TBATA: variants seen among roughly 807,000 people sequenced by gnomAD.
TBATA encodes the protein protein TBATA.
TBATA carries 47 observed loss-of-function variants against 38.7 expected under a neutral mutation model. The observed-to-expected ratio is 1.21, with a 90% CI of 0.96 to 1.55. The LOEUF is 1.55. TBATA is among the 40% of genes most tolerant of loss of function. The pLI is 0.00. For missense variants in TBATA, 436 were observed against 435.6 expected, an observed-to-expected ratio of 1.00 and a Z score of -0.01; for synonymous variants, 183 against 170.5, an observed-to-expected ratio of 1.07 and a Z score of -0.57.
chr10:70,782,539 G>T, intron 3 of TBATA: 1 of 1,261,864 alleles, frequency 7.9e-7, no homozygotes, highest in Non-Finnish European at 1.0e-6. Context: ...AGAGGCCAGA[G>T]CTGGAGCTTA....
In TBATA at chr10:70,783,359, C is replaced by T. The variant is rs1396363769; in HGVS notation, c.21G>A (p.Leu7=). Residue 7 remains leucine, a synonymous_variant, in exon 3 of 11, where the codon TTG becomes TTA. Transcript: ENST00000456372. ...CTCACCTCATCAGTGGATAATCAGC[C>T]AATTGAACATCTGTAGCCATTGTAT... MATDVQ[L]ADYPLMSPKA... is the part of the protein sequence containing the mutation. The T allele has an allele frequency of 1.2e-6, 2 of 1,614,024 alleles. No homozygotes were observed. Among genetic ancestry groups the T allele is most frequent in the Non-Finnish European group, 1.7e-6 (2 of 1,180,002 alleles).
intron 4 of TBATA, among the ~76,000 whole-genome samples, chr10:70,781,249 A>G (rs1844174274): frequency 1.3e-5 from 2 of 152,092 alleles, no homozygotes; most frequent in South Asian, 2.1e-4. Flanking sequence ...CTTTGCTCAA[A>G]TGTCATGTTA....
At chr10:70,779,279 C>T (rs1298636423) in intron 5 of TBATA, among the ~76,000 whole-genome samples, 2 of 152,196 alleles carry the variant, frequency 1.3e-5, no homozygotes, top group African/African-American at 2.4e-5. Flanking sequence ...CTAAATATTC[C>T]CTATAGCATT....
Position 70,783,533 on chromosome 10 carries a change from G to T in TBATA, c.-146-8C>A. On this transcript the variant is annotated splice_polypyrimidine_tract_variant and splice_region_variant and intron_variant, in intron 2 of 10. Transcript: ENST00000456372. ...TGTAAACGGGAACAGGCACTTTAGG[G>T]GGAGAAATGGTAATATCTTTTAAAA... 3 of 762,868 alleles carry T rather than the reference G, an allele frequency of 3.9e-6. No homozygotes were observed. The South Asian group carries it at 4.8e-5, about 12-fold the overall frequency. 47.3% of individuals were successfully genotyped at this position (762,868 alleles called of 1,614,324 possible).
At chr10:70,782,606 A>T in intron 3 of TBATA, 5 of 985,410 alleles carry the variant, frequency 5.1e-6, no homozygotes, top group Non-Finnish European at 6.0e-6. Flanking sequence ...GGAGAGGAAG[A>T]GCTGACGCAG....
chr10:70,772,447 C>T, intron 10 of TBATA, 67 bp downstream of exon 10: 1 of 1,490,158 alleles, frequency 6.7e-7, no homozygotes, highest in Non-Finnish European at 9.4e-7. Flanking sequence ...GACTGGAATC[C>T]CCTGAGAAAT....
intron 6 of TBATA, among the ~76,000 whole-genome samples, 153 bp from the exon 7 acceptor site, chr10:70,777,491 A>G (rs1462300195): frequency 7.1e-6 from 1 of 140,076 alleles, no homozygotes; most frequent in African/African-American, 2.7e-5. Context: ...CCAGGGTATC[A>G]TCCAGCTCTG....
intron 5 of TBATA, 176 bp from the exon 6 acceptor site, chr10:70,778,812 T>G: frequency 6.0e-6 from 4 of 669,344 alleles, no homozygotes; most frequent in East Asian, 5.7e-5. Flanking sequence ...ACACCATGGG[T>G]GGTGGTTGTG....
At chr10:70,780,338 G>A (rs1479468835) in intron 4 of TBATA, among the ~76,000 whole-genome samples, 5 of 152,018 alleles carry the variant, frequency 3.3e-5, no homozygotes, top group Admixed American at 2.0e-4. Context: ...CTTGAAGATC[G>A]GCCTGGCAAG....
chr10:70,777,660 G>A, intron 6 of TBATA: 1 of 404,694 alleles, frequency 2.5e-6, no homozygotes, highest in East Asian at 5.7e-5. Flanking sequence ...ATGCCCGCGG[G>A]TGGTTCTCGT....
chr10:70,781,293 T>C (rs1844179240), intron 4 of TBATA, among the ~76,000 whole-genome samples: 1 of 152,202 alleles, frequency 6.6e-6, no homozygotes, highest in South Asian at 2.1e-4. Context: ...CTTTCAAAAA[T>C]AGCTATCTTC....
intron 9 of TBATA, 133 bp downstream of exon 9, chr10:70,774,080 T>C (rs1843076954): frequency 2.4e-6 from 3 of 1,233,028 alleles, no homozygotes; most frequent in African/African-American, 3.0e-5. Flanking sequence ...GGGGAGGGGC[T>C]GGGCCTCTGC....
chr10:70,775,190 C>T lies in TBATA; in HGVS notation c.774G>A (p.Lys258=), dbSNP rs1179281645. 1.9e-6 allele frequency: 3 copies of T among 1,613,744 alleles called. No individual in the cohort carries two copies. The stretch of plus-strand genomic sequence containing the variant: ...AGTGCTGCGGGGCTGTGTCCTCACC[C>T]TTGGGCGGAGCGTAGAGCAGCCAGA... ...IQFWLLYAPP[K]EKDLALGLLQ... Residue 258 remains lysine (K), a splice_region_variant and synonymous_variant, in exon 8 of 11, where the codon AAG becomes AAA. Coordinates refer to ENST00000456372, the MANE Select transcript of TBATA (RefSeq NM_001318241.2).
In TBATA at chr10:70,782,043, G is replaced by A. The variant is rs1353721674; in HGVS notation, c.42-7C>T. 1 of 1,613,658 alleles carries A rather than the reference G, an allele frequency of 6.2e-7. No homozygotes were observed. The highest frequency in any genetic ancestry group is 8.5e-7 in the Non-Finnish European group (1 of 1,179,806). On this transcript the variant is annotated splice_region_variant and splice_polypyrimidine_tract_variant and intron_variant, in intron 3 of 10. Coordinates refer to ENST00000456372, the MANE Select transcript of TBATA (RefSeq NM_001318241.2). ...TTTCAGCTCAGCCTTTGGACTGAAG[G>A]AGGGGGTTTCAGGAGAAGCTAATGG...
chr10:70,783,083 C>T (rs1000557850), intron 3 of TBATA, among the ~76,000 whole-genome samples: 4 of 152,244 alleles, frequency 2.6e-5, no homozygotes, highest in African/African-American at 9.6e-5. Context: ...CCTGAGAACC[C>T]CTGGAACTCC....
intron 6 of TBATA, among the ~76,000 whole-genome samples, chr10:70,778,355 T>C (rs1219880526): frequency 1.3e-5 from 2 of 152,118 alleles, no homozygotes; most frequent in Admixed American, 6.5e-5. Context: ...GGCCCCCAAG[T>C]GCCTCCTGTC....
intron 6 of TBATA, 56 bp downstream of exon 6, chr10:70,778,501 A>G (rs1395249208): frequency 1.3e-6 from 2 of 1,538,656 alleles, no homozygotes; most frequent in Non-Finnish European, 9.0e-7. Flanking sequence ...ATCTCCTTAC[A>G]CAGGGAAGGA....
intron 6 of TBATA, 97 bp downstream of exon 6, chr10:70,778,460 A>C: frequency 8.2e-7 from 1 of 1,223,826 alleles, no homozygotes; most frequent in South Asian, 1.2e-5. Context: ...CCCCCACCCC[A>C]CCTCTGGTAG....
rs779201349 is a variant in TBATA at position 70,775,226 on chromosome 10, G to C, written c.738C>G (p.Ser246Arg). The C allele has an allele frequency of 4.3e-6, 7 of 1,614,162 alleles. No individual in the cohort carries two copies. The highest frequency in any genetic ancestry group is 2.7e-5 in the African/African-American group (2 of 75,054). ...LCRILETDLL[S>R]AIQFWLLYAP... ...CGTAGAGCAGCCAGAACTGGATTGCGCTTAGCAAGTCTGTTTCCAGGATCC... is the reference window on the plus strand; with the variant it reads ...CGTAGAGCAGCCAGAACTGGATTGCCCTTAGCAAGTCTGTTTCCAGGATCC... Residue 246 changes from serine (S) to arginine (R), a missense_variant, in exon 8 of 11, where the codon AGC (serine) becomes AGG (arginine). By Grantham distance (110) the Ser-to-Arg change is moderately radical. Transcript: ENST00000456372.
Sources: gnomAD v4.1 joint callset for allele counts (sites outside exome capture counted in the v4.1 genomes callset) on GRCh38, gnomAD v4.1.1 for gene constraint, MANE v1.5 for transcripts, NCBI Gene and HGNC (gene_info 2026-07-23, HGNC 2026-07-21) for gene names.